CACNA1E: variants seen among roughly 807,000 people sequenced by gnomAD.
CACNA1E encodes calcium voltage-gated channel subunit alpha1 E, also known as voltage-dependent R-type calcium channel subunit alpha-1E.
CACNA1E carries 40 observed loss-of-function variants against 259.2 expected under a neutral mutation model. That is an observed-to-expected ratio of 0.15 (90% CI 0.12 to 0.20). CACNA1E has a LOEUF of 0.20. CACNA1E is among the 10% of genes least tolerant of loss of function. The pLI is 1.00. For synonymous variants in CACNA1E, 1,104 were observed against 1,138.5 expected, an observed-to-expected ratio of 0.97 and a Z score of 0.61; for missense variants, 1,874 against 3,040.1, an observed-to-expected ratio of 0.62 and a Z score of 9.02.
At chr1:181,551,603 C>A (rs1203935696) in intron 3 of CACNA1E, among the ~76,000 whole-genome samples, 1 of 152,136 alleles carries the variant, frequency 6.6e-6, no homozygotes, top group South Asian at 2.1e-4. Context: ...CCACAGCAAC[C>A]TTGGTGGGGG....
intron 2 of CACNA1E, among the ~76,000 whole-genome samples, chr1:181,457,278 C>T (rs1039423188): frequency 6.6e-6 from 1 of 152,196 alleles, no homozygotes; most frequent in Non-Finnish European, 1.5e-5. Context: ...CCCTTATGAC[C>T]TAATCACTTC....
chr1:181,355,104 G>C (rs1653322729), intron 1 of CACNA1E, among the ~76,000 whole-genome samples: 1 of 152,186 alleles, frequency 6.6e-6, no homozygotes. Context: ...AAAGAGCCCA[G>C]TGGGCTGCCT....
intron 36 of CACNA1E, 100 bp downstream of exon 36, chr1:181,771,484 C>A: frequency 1.4e-6 from 1 of 706,642 alleles, no homozygotes; most frequent in South Asian, 1.7e-5. Context: ...CTTTATTCCA[C>A]TTCCTTTGCT....
At chr1:181,448,298 C>A (rs1450702732) in intron 2 of CACNA1E, among the ~76,000 whole-genome samples, 3 of 152,220 alleles carry the variant, frequency 2.0e-5, no homozygotes, top group African/African-American at 7.2e-5. Context: ...GCACATGCAT[C>A]CCCTCATTCT....
intron 1 of CACNA1E, among the ~76,000 whole-genome samples, chr1:181,504,122 CCT>C (rs1665500666): frequency 6.6e-6 from 1 of 152,106 alleles, no homozygotes; most frequent in African/African-American, 2.4e-5. Context: ...TCCATGCCAT[CCT>C]CTGAGGCTGT....
In CACNA1E at chr1:181,742,287, G is replaced by GAAAGA. The variant is rs565802535; in HGVS notation, c.3719+3036_3719+3040dup. On this transcript the variant is annotated intron_variant, in intron 25 of 47. Transcript: ENST00000367573. ...GAGGGCCTGGCCTGGGGCAGAGAGT[G>GAAAGA]AAAGAAGTCACTGAGCCTATATTCC... 7.2e-5 allele frequency among the ~76,000 whole-genome samples: 11 copies of GAAAGA among 152,296 alleles called. No homozygotes were observed. In the East Asian group the frequency reaches 1.9e-3, roughly 27 times the overall value.
chr1:181,651,172 G>A (rs1658725028), intron 6 of CACNA1E, among the ~76,000 whole-genome samples, 166 bp from the exon 7 acceptor site: 1 of 152,226 alleles, frequency 6.6e-6, no homozygotes. Flanking sequence ...GTACATGGGA[G>A]ATTTTGAGCT....
intron 7 of CACNA1E, among the ~76,000 whole-genome samples, chr1:181,666,551 T>G (rs1352708523): frequency 1.3e-5 from 2 of 152,160 alleles, no homozygotes; most frequent in Non-Finnish European, 2.9e-5. Flanking sequence ...TACTAAATTA[T>G]ATTAAAATTT....
At position 181,504,608 on chromosome 1, in the gene CACNA1E, C is replaced by G. The variant is rs553813809; in HGVS notation, c.267-5869C>G. 2.0e-5 allele frequency among the ~76,000 whole-genome samples: 3 copies of G among 152,310 alleles called. No homozygotes were observed. In the East Asian group the frequency reaches 5.8e-4, roughly 29 times the overall value. On this transcript the variant is annotated intron_variant, in intron 1 of 47. Transcript: ENST00000367573. Reference sequence around the variant, plus strand: ...GATGAGGAGGCTTTTCAGGCTCAGGCAGATGAAGAGCTCAGCTCCAGGCCA... The same window carrying G: ...GATGAGGAGGCTTTTCAGGCTCAGGGAGATGAAGAGCTCAGCTCCAGGCCA...
intron 3 of CACNA1E, among the ~76,000 whole-genome samples, chr1:181,545,473 G>T (rs960409498): frequency 6.6e-6 from 1 of 152,142 alleles, no homozygotes; most frequent in Non-Finnish European, 1.5e-5. Flanking sequence ...GCAGGGCTGT[G>T]GGGGGATGGC....
intron 1 of CACNA1E, among the ~76,000 whole-genome samples, chr1:181,374,978 A>T (rs57730332): frequency 0.022 from 3,339 of 152,268 alleles, 132 homozygotes; most frequent in African/African-American, 0.074. Flanking sequence ...ATACAAAAGG[A>T]TTAGGATTAG....
At chr1:181,577,639 C>G (rs1651103780) in intron 3 of CACNA1E, 127 bp from the exon 4 acceptor site, 1 of 552,954 alleles carries the variant, frequency 1.8e-6, no homozygotes, top group Non-Finnish European at 3.3e-6. Context: ...CTCAGGTGCA[C>G]CCACATACAG....
At position 181,687,722 on chromosome 1, in the gene CACNA1E, T is replaced by A. The variant is rs146216330; in HGVS notation, c.1056-23232T>A. On this transcript the variant is annotated intron_variant, in intron 7 of 47. Coordinates refer to ENST00000367573, the MANE Select transcript of CACNA1E (RefSeq NM_001205293.3). Reference sequence around the variant, plus strand: ...GGGTCATTGTATTCATCTACAATAGTATATGGTTTGTTACAGATTCCAGGG... The same window carrying A: ...GGGTCATTGTATTCATCTACAATAGAATATGGTTTGTTACAGATTCCAGGG... Among the ~76,000 whole-genome samples, 29 of 152,350 alleles carry A rather than the reference T, an allele frequency of 1.9e-4. No individual in the cohort carries two copies. In the East Asian group the frequency reaches 5.6e-3, roughly 29 times the overall value.
chr1:181,647,035 C>T (rs1392307567), intron 6 of CACNA1E, among the ~76,000 whole-genome samples: 2 of 152,144 alleles, frequency 1.3e-5, no homozygotes, highest in African/African-American at 4.8e-5. Context: ...TGGAGAGCAG[C>T]CAGTGTGCCA....
chr1:181,360,155 G>T (rs1347313330), intron 1 of CACNA1E, among the ~76,000 whole-genome samples: 2 of 152,166 alleles, frequency 1.3e-5, no homozygotes. Context: ...TAGCAGAAAA[G>T]AGTTAAACAT....
At chr1:181,588,942 C>T (rs1250321022) in intron 6 of CACNA1E, among the ~76,000 whole-genome samples, 1 of 152,218 alleles carries the variant, frequency 6.6e-6, no homozygotes, top group Non-Finnish European at 1.5e-5. Context: ...GGGGATGGCA[C>T]AGTGCCAGTA....
Position 181,372,828 on chromosome 1 carries a change from A to ATATT in CACNA1E, c.-14-40304_-14-40303insATTT, listed in dbSNP as rs1491221060. 5.6e-4 allele frequency among the ~76,000 whole-genome samples: 57 copies of ATATT among 101,646 alleles called. No individual in the cohort carries two copies. The South Asian group carries it at 6.9e-3, about 12-fold the overall frequency. The allele number at this position is 101,646 out of a possible 152,430, so 66.7% of individuals were successfully genotyped here. ...ATGTTGAATATATATATATATATAT[A>ATATT]TTTTTTTTTTAACATGAAGGGATAT... On this transcript the variant is annotated intron_variant, in intron 1 of 11. Coordinates refer to the CACNA1E transcript ENST00000524607.
chr1:181,552,179 G>A (rs1338424142), intron 3 of CACNA1E, among the ~76,000 whole-genome samples: 2 of 152,144 alleles, frequency 1.3e-5, no homozygotes, highest in Non-Finnish European at 2.9e-5. Context: ...GGACTTTAGG[G>A]TGACACCCAT....
chr1:181,337,645 C>T (rs1488356297), intron 1 of CACNA1E, among the ~76,000 whole-genome samples: 2 of 152,178 alleles, frequency 1.3e-5, no homozygotes, highest in African/African-American at 4.8e-5. Flanking sequence ...GTTCTGTCTA[C>T]TATAACATCC....
Sources: allele counts gnomAD v4.1 joint callset (sites outside exome capture counted in the v4.1 genomes callset), GRCh38; gene constraint gnomAD v4.1.1; transcripts MANE v1.5; gene names NCBI Gene and HGNC (gene_info 2026-07-23, HGNC 2026-07-21).